ELMO1: variants seen among roughly 807,000 people sequenced by gnomAD.
ELMO1 encodes engulfment and cell motility protein 1.
In ELMO1, 26 loss-of-function variants were observed where a neutral mutation model predicts 98.9. That is an observed-to-expected ratio of 0.26 (90% CI 0.19 to 0.36). The LOEUF is 0.36. Among genes scored for constraint, ELMO1 ranks in the 10% least tolerant of loss-of-function variants. The pLI is 1.00. For synonymous variants in ELMO1, 346 were observed against 346.0 expected, an observed-to-expected ratio of 1.00 and a Z score of 0.00; for missense variants, 627 against 935.2, an observed-to-expected ratio of 0.67 and a Z score of 4.30.
chr7:36,888,030 T>C (rs975421330), intron 17 of ELMO1, among the ~76,000 whole-genome samples: 1 of 152,202 alleles, frequency 6.6e-6, no homozygotes, highest in Non-Finnish European at 1.5e-5. Flanking sequence ...CTTGGTCAAC[T>C]TTTTTCCCCT....
rs185690694 is a variant in ELMO1 at position 37,038,566 on chromosome 7, T to C, written c.1301-25131A>G. Among the ~76,000 whole-genome samples the C allele has an allele frequency of 3.9e-5, 6 of 152,310 alleles. No homozygotes were observed. In the East Asian group the frequency reaches 1.2e-3, roughly 29 times the overall value. ...TTGAATTTTCTAATCATCACCTACATCTTGGATTCTCAGTAGCAGAGCCTG... is the reference window on the plus strand; with the variant it reads ...TTGAATTTTCTAATCATCACCTACACCTTGGATTCTCAGTAGCAGAGCCTG... On this transcript the variant is annotated intron_variant, in intron 15 of 21. Transcript: ENST00000310758.
intron 7 of ELMO1, among the ~76,000 whole-genome samples, chr7:37,236,303 T>A (rs1485617702): frequency 6.6e-6 from 1 of 152,040 alleles, no homozygotes; most frequent in Admixed American, 6.6e-5. Flanking sequence ...TGTTTGGGAG[T>A]CAAGATTTCA....
intron 14 of ELMO1, among the ~76,000 whole-genome samples, chr7:37,107,685 C>T (rs57435918): frequency 0.067 from 10,259 of 152,274 alleles, 583 homozygotes; most frequent in African/African-American, 0.14. Flanking sequence ...ATTTCTCAAC[C>T]CTGACTTCTT....
chr7:37,139,158 C>T (rs1197728412), intron 13 of ELMO1, among the ~76,000 whole-genome samples: 2 of 152,104 alleles, frequency 1.3e-5, no homozygotes, highest in Non-Finnish European at 2.9e-5. Flanking sequence ...CCCCTGAGAA[C>T]TAGAACAGAC....
At chr7:37,086,301 A>G (rs1222715654) in intron 15 of ELMO1, among the ~76,000 whole-genome samples, 4 of 151,882 alleles carry the variant, frequency 2.6e-5, no homozygotes, top group African/African-American at 7.3e-5. Flanking sequence ...TTTTTTGGCT[A>G]AAAGAAACAT....
At chr7:37,143,565 CCTGT>C (rs1563031719) in intron 13 of ELMO1, among the ~76,000 whole-genome samples, 2 of 151,926 alleles carry the variant, frequency 1.3e-5, no homozygotes, top group Admixed American at 6.6e-5. Context: ...TGCCACCATG[CCTGT>C]CTAATTTTTG....
chr7:37,370,696 G>C (rs1802082682), intron 1 of ELMO1, among the ~76,000 whole-genome samples: 2 of 152,120 alleles, frequency 1.3e-5, no homozygotes, highest in African/African-American at 4.8e-5. Context: ...GGAATGCAGA[G>C]ACCCCCCGCC....
At chr7:37,107,259 T>A (rs374301447) in intron 14 of ELMO1, among the ~76,000 whole-genome samples, 1 of 152,198 alleles carries the variant, frequency 6.6e-6, no homozygotes, top group Admixed American at 6.5e-5. Flanking sequence ...TACCTCTATA[T>A]TGTTTGCATT....
At chr7:37,260,884 C>T (rs569453869) in intron 5 of ELMO1, among the ~76,000 whole-genome samples, 1 of 152,262 alleles carries the variant, frequency 6.6e-6, no homozygotes, top group Admixed American at 6.5e-5. Context: ...AATTATTTAT[C>T]TCTTAAAATT....
intron 16 of ELMO1, among the ~76,000 whole-genome samples, chr7:36,914,974 G>A (rs1784588646): frequency 6.6e-6 from 1 of 152,200 alleles, no homozygotes; most frequent in Non-Finnish European, 1.5e-5. Flanking sequence ...TTGTTTAAGA[G>A]ATGGAGTCTT....
At chr7:37,140,303 G>A (rs147314536) in intron 13 of ELMO1, among the ~76,000 whole-genome samples, 3,693 of 151,840 alleles carry the variant, frequency 0.024, 134 homozygotes, top group African/African-American at 0.085. Context: ...GGAGAATGGC[G>A]TGAACCTGGG....
At chr7:37,389,036 GT>G (rs1802947633) in intron 1 of ELMO1, among the ~76,000 whole-genome samples, 1 of 152,238 alleles carries the variant, frequency 6.6e-6, no homozygotes, top group Admixed American at 6.5e-5. Flanking sequence ...CAATACTGAA[GT>G]GCTTACATTT....
intron 16 of ELMO1, among the ~76,000 whole-genome samples, chr7:36,951,907 T>C (rs1787995106): frequency 1.3e-5 from 2 of 152,250 alleles, no homozygotes; most frequent in East Asian, 1.9e-4. Context: ...AGGCACTCAA[T>C]AGATGTTTAC....
chr7:36,864,962 C>A (rs1562780497), intron 20 of ELMO1, among the ~76,000 whole-genome samples: 1 of 152,172 alleles, frequency 6.6e-6, no homozygotes, highest in Non-Finnish European at 1.5e-5. Context: ...TGCCCTGAGG[C>A]CCCTGACCTT....
intron 1 of ELMO1, among the ~76,000 whole-genome samples, chr7:37,350,704 C>A (rs984850517): frequency 6.6e-6 from 1 of 152,132 alleles, no homozygotes; most frequent in South Asian, 2.1e-4. Context: ...CAAATCCTAA[C>A]CCCCAGTAGC....
chr7:37,002,502 C>T (rs77248735), intron 16 of ELMO1, among the ~76,000 whole-genome samples: 5,267 of 152,242 alleles, frequency 0.035, 108 homozygotes, highest in Middle Eastern at 0.1. Context: ...GTGATTGTAC[C>T]GACTTTGGCC....
intron 7 of ELMO1, among the ~76,000 whole-genome samples, chr7:37,243,611 T>A (rs1280624109): frequency 4.6e-5 from 7 of 152,192 alleles, no homozygotes. Flanking sequence ...AGCATAATAC[T>A]ATAGTACATT....
rs77868682 is a variant in ELMO1, at chr7:37,400,073, T to C, written c.-74+48602A>G. Among the ~76,000 whole-genome samples the C allele has an allele frequency of 5.5e-3, 831 of 152,342 alleles. 2 individuals are homozygous for C. Among genetic ancestry groups the C allele is most frequent in the Non-Finnish European group, 8.3e-3 (567 of 68,020 alleles). ...TCTGACACTTCCTAGCTATTTAATA[T>C]GGTACAAGTTTGATGTGTCACTGTC... is the stretch of plus-strand genomic sequence containing the variant. On this transcript the variant is annotated intron_variant, in intron 1 of 21. Transcript: ENST00000310758.
At chr7:37,395,019 TG>T in intron 1 of ELMO1, among the ~76,000 whole-genome samples, 1 of 152,226 alleles carries the variant, frequency 6.6e-6, no homozygotes, top group Admixed American at 6.5e-5. Context: ...TAAGCATAGC[TG>T]GGAGTAGTTT....
Sources: gnomAD v4.1 joint callset for allele counts (sites outside exome capture counted in the v4.1 genomes callset) on GRCh38, gnomAD v4.1.1 for gene constraint, MANE v1.5 for transcripts, NCBI Gene and HGNC (gene_info 2026-07-23, HGNC 2026-07-21) for gene names.